Variants in SNTG1 observed in about 807,000 individuals in gnomAD.
SNTG1 encodes the protein syntrophin gamma 1.
SNTG1 carries 39 observed loss-of-function variants against 74.7 expected under a neutral mutation model. The ratio of observed to expected loss-of-function variants is 0.52; its 90% CI spans 0.40 to 0.68. The LOEUF (loss-of-function observed/expected upper bound fraction) is 0.68. Among genes scored for constraint, SNTG1 ranks in the 30% least tolerant of loss-of-function variants. The pLI is 0.00. For missense variants in SNTG1, 685 were observed against 609.5 expected, an observed-to-expected ratio of 1.12 and a Z score of -1.30; for synonymous variants, 254 against 217.1, an observed-to-expected ratio of 1.17 and a Z score of -1.49.
At chr8:49,949,225 A>G (rs1809484436) in intron 1 of SNTG1, among the ~76,000 whole-genome samples, 1 of 152,228 alleles carries the variant, frequency 6.6e-6, no homozygotes, top group Non-Finnish European at 1.5e-5. Context: ...ATACTTACCA[A>G]TGAATCATTT....
intron 15 of SNTG1, among the ~76,000 whole-genome samples, chr8:50,670,221 G>T (rs2095273172): frequency 6.6e-6 from 1 of 152,118 alleles, no homozygotes; most frequent in Non-Finnish European, 1.5e-5. Context: ...GAAATAAAGG[G>T]TATTCAATTA....
intron 15 of SNTG1, among the ~76,000 whole-genome samples, chr8:50,691,285 G>T (rs1187790255): frequency 1.3e-5 from 2 of 152,168 alleles, no homozygotes; most frequent in Non-Finnish European, 2.9e-5. Context: ...ATTTGATCCT[G>T]TCATTATGAT....
intron 9 of SNTG1, among the ~76,000 whole-genome samples, chr8:50,519,637 A>G (rs1422057204): frequency 6.6e-6 from 1 of 152,202 alleles, no homozygotes; most frequent in Non-Finnish European, 1.5e-5. Context: ...GGCAAAAATC[A>G]CAATCATTCC....
chr8:50,096,714 A>C lies in SNTG1; in HGVS notation c.-102-75847A>C, dbSNP rs571251160. 1.1e-3 allele frequency among the ~76,000 whole-genome samples: 171 copies of C among 152,298 alleles called. 2 individuals carry two copies. The highest frequency in any genetic ancestry group is 1.9e-3 in the Non-Finnish European group (126 of 68,018). On this transcript the variant is annotated intron_variant, in intron 1 of 18. Coordinates refer to ENST00000642720, the MANE Select transcript of SNTG1 (RefSeq NM_018967.5). Reference sequence around the variant, plus strand: ...TTGCAAAGTAGGGACTTTTTCCAGAAAGAATAGCTTCATGTAAGTTTGTCT... The same window carrying C: ...TTGCAAAGTAGGGACTTTTTCCAGACAGAATAGCTTCATGTAAGTTTGTCT...
chr8:50,266,763 A>C (rs2087502597), intron 2 of SNTG1, among the ~76,000 whole-genome samples: 1 of 151,106 alleles, frequency 6.6e-6, no homozygotes, highest in Non-Finnish European at 1.5e-5. Flanking sequence ...AGCTAACCAA[A>C]AAAAGCGAAA....
intron 2 of SNTG1, among the ~76,000 whole-genome samples, chr8:50,296,309 C>T (rs972618833): frequency 1.3e-5 from 2 of 152,140 alleles, no homozygotes; most frequent in African/African-American, 2.4e-5. Flanking sequence ...AAGACACATG[C>T]ACATATACTT....
intron 17 of SNTG1, among the ~76,000 whole-genome samples, chr8:50,723,786 T>C (rs542723253): frequency 6.9e-6 from 1 of 144,420 alleles, no homozygotes; most frequent in African/African-American, 2.8e-5. Context: ...ATGAGGCCTA[T>C]GGAAAAAAAA....
intron 18 of SNTG1, among the ~76,000 whole-genome samples, chr8:50,769,078 C>A (rs2095620775): frequency 6.6e-6 from 1 of 151,680 alleles, no homozygotes; most frequent in Admixed American, 6.6e-5. Context: ...TTTCTCCTTG[C>A]ATATAATTTA....
chr8:50,415,712 A>G (rs1587538879), intron 4 of SNTG1, among the ~76,000 whole-genome samples: 1 of 152,062 alleles, frequency 6.6e-6, no homozygotes, highest in African/African-American at 2.4e-5. Context: ...GCTTGCTATC[A>G]TACATATTGT....
At chr8:50,550,796 G>C (rs1357144355) in intron 11 of SNTG1, among the ~76,000 whole-genome samples, 3 of 151,968 alleles carry the variant, frequency 2.0e-5, no homozygotes, top group Non-Finnish European at 4.4e-5. Flanking sequence ...ATGGGTAATG[G>C]AGTCTATTGA....
At chr8:49,938,257 T>G (rs1468219025) in intron 1 of SNTG1, among the ~76,000 whole-genome samples, 1 of 152,212 alleles carries the variant, frequency 6.6e-6, no homozygotes. Flanking sequence ...ATATGATCAT[T>G]GCCCATGATG....
rs113289505 is a variant in SNTG1 at position 50,512,730 on chromosome 8, C to T, written c.466+9850C>T. Among the ~76,000 whole-genome samples the T allele has an allele frequency of 2.5e-3, 376 of 152,338 alleles. 2 individuals are homozygous for T. The highest frequency in any genetic ancestry group is 8.4e-3 in the African/African-American group (351 of 41,586). ...AATTGGCTACTGAGGCTTGTGCATT[C>T]ATCATGTAGTTCTCGTACCTTGGTT... On this transcript the variant is annotated intron_variant, in intron 9 of 18. Transcript: ENST00000642720.
chr8:49,975,429 GT>G (rs1226040618), intron 1 of SNTG1, among the ~76,000 whole-genome samples: 1 of 152,138 alleles, frequency 6.6e-6, no homozygotes, highest in Non-Finnish European at 1.5e-5. Context: ...TAAGGTTCAT[GT>G]TTCGATTAAT....
At chr8:50,306,259 G>GTA (rs1244608257) in intron 2 of SNTG1, among the ~76,000 whole-genome samples, 2 of 151,938 alleles carry the variant, frequency 1.3e-5, no homozygotes, top group African/African-American at 4.8e-5. Context: ...GTATTCTGTG[G>GTA]TATATATATA....
chr8:50,092,655 G>C (rs1312446475), intron 1 of SNTG1, among the ~76,000 whole-genome samples: 3 of 152,226 alleles, frequency 2.0e-5, no homozygotes, highest in African/African-American at 7.2e-5. Context: ...GGATTTTCTA[G>C]ACTTCTTAGG....
At chr8:50,363,137 C>T (rs2092008929) in intron 2 of SNTG1, among the ~76,000 whole-genome samples, 1 of 152,072 alleles carries the variant, frequency 6.6e-6, no homozygotes, top group Non-Finnish European at 1.5e-5. Context: ...CCTAGAGAAA[C>T]TTCTAACCAG....
At chr8:50,737,164 G>A (rs149343038) in intron 17 of SNTG1, among the ~76,000 whole-genome samples, 149 of 150,992 alleles carry the variant, frequency 9.9e-4, no homozygotes, top group Middle Eastern at 3.4e-3. Context: ...ACCACTAGCC[G>A]GACTAATAAA....
At chr8:50,407,184 A>T (rs2092888138) in intron 4 of SNTG1, among the ~76,000 whole-genome samples, 1 of 152,198 alleles carries the variant, frequency 6.6e-6, no homozygotes, top group South Asian at 2.1e-4. Flanking sequence ...ACAGTAGGGC[A>T]GAGATAAACA....
intron 1 of SNTG1, among the ~76,000 whole-genome samples, chr8:50,053,541 A>G (rs1470622408): frequency 1.3e-5 from 2 of 151,956 alleles, no homozygotes; most frequent in African/African-American, 4.8e-5. Flanking sequence ...ACTGAATTAT[A>G]GACTTCAAAA....
Sources: gnomAD v4.1 joint callset for allele counts (sites outside exome capture counted in the v4.1 genomes callset) on GRCh38, gnomAD v4.1.1 for gene constraint, MANE v1.5 for transcripts, NCBI Gene and HGNC (gene_info 2026-07-23, HGNC 2026-07-21) for gene names.